EYA1: variants seen among roughly 807,000 people sequenced by gnomAD.
EYA1 encodes the protein protein phosphatase EYA1.
Under a neutral mutation model 82.0 loss-of-function variants are expected in EYA1, and 16 were observed. That is an observed-to-expected ratio of 0.20 (90% CI 0.13 to 0.30). EYA1 has a LOEUF of 0.30. EYA1 is among the 10% of genes least tolerant of loss of function. EYA1 has a pLI of 1.00. For missense variants in EYA1, 633 were observed against 730.7 expected, an observed-to-expected ratio of 0.87 and a Z score of 1.54; for synonymous variants, 261 against 264.4, an observed-to-expected ratio of 0.99 and a Z score of 0.12.
intron 2 of EYA1, among the ~76,000 whole-genome samples, chr8:71,521,526 T>C (rs1348091261): frequency 3.9e-5 from 6 of 152,152 alleles, no homozygotes; most frequent in Admixed American, 3.9e-4. Context: ...AACTGTAGAT[T>C]CACTACAGAA....
At chr8:71,313,575 T>C (rs1400049627) in intron 7 of EYA1, among the ~76,000 whole-genome samples, 1 of 152,158 alleles carries the variant, frequency 6.6e-6, no homozygotes, top group East Asian at 1.9e-4. Context: ...TTGGTCAGAG[T>C]GATTTACAGA....
intron 6 of EYA1, among the ~76,000 whole-genome samples, chr8:71,318,617 T>A (rs1822183023): frequency 1.3e-5 from 2 of 152,130 alleles, no homozygotes; most frequent in Admixed American, 6.5e-5. Context: ...TCTCCTTCAT[T>A]CTCACAGAGG....
intron 3 of EYA1, among the ~76,000 whole-genome samples, chr8:71,336,366 C>T (rs1370570589): frequency 6.6e-6 from 1 of 152,302 alleles, no homozygotes. Flanking sequence ...ATAGAAGTTT[C>T]ATGCCCAACT....
chr8:71,305,394 G>A (rs56681659), intron 7 of EYA1, among the ~76,000 whole-genome samples: 4,435 of 142,200 alleles, frequency 0.031, 512 homozygotes, highest in African/African-American at 0.1. Context: ...ATTCTCAATA[G>A]AGTTTGGGGT....
intron 2 of EYA1, among the ~76,000 whole-genome samples, chr8:71,393,403 C>G (rs1052219640): frequency 6.6e-6 from 1 of 151,898 alleles, no homozygotes; most frequent in Non-Finnish European, 1.5e-5. Context: ...CCGTTAACTC[C>G]TCATTTACAT....
chr8:71,213,945 G>A (rs1036873641), intron 16 of EYA1, among the ~76,000 whole-genome samples: 2 of 152,194 alleles, frequency 1.3e-5, no homozygotes, highest in Non-Finnish European at 2.9e-5. Flanking sequence ...TGATGAGCAA[G>A]AGAGACAAAC....
At chr8:71,280,843 G>A (rs1303345560) in intron 9 of EYA1, among the ~76,000 whole-genome samples, 1 of 152,030 alleles carries the variant, frequency 6.6e-6, no homozygotes, top group Non-Finnish European at 1.5e-5. Flanking sequence ...TGACCTCCTG[G>A]GCTTAGGTGA....
intron 2 of EYA1, among the ~76,000 whole-genome samples, chr8:71,474,032 C>T (rs530937050): frequency 1.6e-4 from 25 of 152,058 alleles, no homozygotes; most frequent in African/African-American, 5.8e-4. Flanking sequence ...GGGAACATCA[C>T]ATACCGGGGC....
At chr8:71,501,541 T>A (rs1811804687) in intron 2 of EYA1, among the ~76,000 whole-genome samples, 1 of 152,216 alleles carries the variant, frequency 6.6e-6, no homozygotes, top group South Asian at 2.1e-4. Context: ...TTTAGATGAT[T>A]GAAAGCATAA....
At chr8:71,349,149 A>G (rs1343813510) in intron 3 of EYA1, among the ~76,000 whole-genome samples, 1 of 152,228 alleles carries the variant, frequency 6.6e-6, no homozygotes, top group African/African-American at 2.4e-5. Context: ...TAATGATGCA[A>G]TACAATGTGC....
intron 16 of EYA1, among the ~76,000 whole-genome samples, chr8:71,214,294 C>T (rs1808902037): frequency 6.6e-6 from 1 of 152,128 alleles, no homozygotes; most frequent in African/African-American, 2.4e-5. Flanking sequence ...TTCTAATGAG[C>T]ACTGCATACT....
upstream of EYA1, among the ~76,000 whole-genome samples, chr8:71,366,529 T>C (rs1827768008): frequency 6.6e-6 from 1 of 152,194 alleles, no homozygotes; most frequent in African/African-American, 2.4e-5. Context: ...TGTCAGCACC[T>C]CCCAAAACAT....
intron 2 of EYA1, among the ~76,000 whole-genome samples, chr8:71,421,667 A>G (rs914326591): frequency 6.6e-6 from 1 of 152,220 alleles, no homozygotes; most frequent in African/African-American, 2.4e-5. Context: ...TGGTGGTGGC[A>G]GCAGTCAACC....
chr8:71,469,526 C>A (rs2129199393), intron 2 of EYA1, among the ~76,000 whole-genome samples: 1 of 152,180 alleles, frequency 6.6e-6, no homozygotes, highest in East Asian at 1.9e-4. Context: ...CCTTCTATTG[C>A]CTTAGAAGAT....
At chr8:71,251,240 T>C (rs1007778392) in intron 11 of EYA1, among the ~76,000 whole-genome samples, 18 of 152,208 alleles carry the variant, frequency 1.2e-4, no homozygotes, top group African/African-American at 4.1e-4. Context: ...CTGGTAGAAA[T>C]TGAATAGTAC....
intron 2 of EYA1, among the ~76,000 whole-genome samples, chr8:71,501,817 C>G (rs770861067): frequency 5.3e-5 from 8 of 152,190 alleles, no homozygotes; most frequent in Non-Finnish European, 1.0e-4. Context: ...TTACACTTAA[C>G]TATTTTAGCT....
At chr8:71,411,538 AAAAC>A (rs1434593687) in intron 2 of EYA1, among the ~76,000 whole-genome samples, 1 of 148,220 alleles carries the variant, frequency 6.7e-6, no homozygotes, top group Non-Finnish European at 1.5e-5. Context: ...TTGCAAGAAA[AAAAC>A]AAACAACCCC....
At chr8:71,255,371 A>G (rs995515245) in intron 11 of EYA1, among the ~76,000 whole-genome samples, 15 of 152,358 alleles carry the variant, frequency 9.8e-5, no homozygotes, top group African/African-American at 3.1e-4. Context: ...AGTAATCAAA[A>G]CAATGTGGTT....
intron 17 of EYA1, chr8:71,199,950 C>T (rs1302584272): frequency 6.6e-6 from 1 of 150,874 alleles, no homozygotes; most frequent in African/African-American, 2.5e-5. Context: ...TTTAAATGAA[C>T]ATCTAACGTT....
Sources: allele counts gnomAD v4.1 joint callset (sites outside exome capture counted in the v4.1 genomes callset), GRCh38; gene constraint gnomAD v4.1.1; transcripts MANE v1.5; gene names NCBI Gene and HGNC (gene_info 2026-07-23, HGNC 2026-07-21).